The following MTMR10 variants were observed in gnomAD, a reference collection of about 807,000 sequenced individuals.
MTMR10 encodes myotubularin-related protein 10.
Under a neutral mutation model 88.1 loss-of-function variants are expected in MTMR10, and 56 were observed. The observed-to-expected ratio is 0.64, with a 90% CI of 0.51 to 0.79. The LOEUF is 0.79. Ranked by LOEUF, MTMR10 falls within the 30% of genes least tolerant of loss-of-function variation. The probability of loss-of-function intolerance (pLI) is 0.00; values close to 1 mark genes in which losing one functional copy is unlikely to be tolerated. For synonymous variants in MTMR10, 380 were observed against 340.9 expected (o/e 1.11, Z -1.26); for missense variants, 883 against 924.7 (o/e 0.95, Z 0.58).
chr15:30,957,710 A>G (rs1253442510), intron 9 of MTMR10, among the ~76,000 whole-genome samples: 3 of 152,182 alleles, frequency 2.0e-5, no homozygotes, highest in Admixed American at 6.5e-5. Flanking sequence ...TGTCTCAAAA[A>G]AAAAGAAACA....
intron 6 of MTMR10, among the ~76,000 whole-genome samples, 200 bp from the exon 7 acceptor site, chr15:30,961,273 G>A (rs576923810): frequency 3.4e-5 from 5 of 148,532 alleles, no homozygotes; most frequent in Admixed American, 6.7e-5. Flanking sequence ...TCGTTCTGTC[G>A]CCCAGGCTGG....
In MTMR10 at chr15:30,940,044, T is replaced by TATC. The variant is rs1249483497; in HGVS notation, c.*1423_*1425dup. On this transcript the variant is annotated 3_prime_UTR_variant, in exon 16 of 16. Coordinates refer to ENST00000435680, the MANE Select transcript of MTMR10 (RefSeq NM_017762.3). ...AGTACATATAAAGGTAAAATACAGT[T>TATC]ATCTTGAAAACACTTGTTTTAGAAA... is the stretch of plus-strand genomic sequence containing the variant. The TATC allele has an allele frequency of 2.3e-5, 23 of 979,128 alleles. No homozygotes were observed. Among genetic ancestry groups the TATC allele is most frequent in the Non-Finnish European group, 2.8e-5 (23 of 824,352 alleles). The allele number at this position is 979,128 out of a possible 1,614,324, so 60.7% of individuals were successfully genotyped here.
chr15:30,971,685 C>G (rs1360953497), intron 5 of MTMR10, among the ~76,000 whole-genome samples: 1 of 152,122 alleles, frequency 6.6e-6, no homozygotes, highest in Non-Finnish European at 1.5e-5. Context: ...TCTACACAGA[C>G]AGATATATAG....
chr15:30,938,881 G>GCCTT, downstream of MTMR10: 14 of 970,414 alleles, frequency 1.4e-5, no homozygotes, highest in Non-Finnish European at 1.7e-5. Flanking sequence ...AGGAGAAGAT[G>GCCTT]CCTTCACCTC....
At chr15:30,988,558 T>C (rs1217670630) in intron 2 of MTMR10, among the ~76,000 whole-genome samples, 4 of 152,186 alleles carry the variant, frequency 2.6e-5, no homozygotes, top group East Asian at 1.9e-4. Context: ...AGTCAGAAAC[T>C]TGGTTTACAA....
chr15:30,952,025 GCTTAAGGAATGCCCTGAAGA>G lies in MTMR10; in HGVS notation c.1137-7_1149del. Reference sequence around the variant, plus strand: ...AGCATGTATACAAGTTCTGCTGAATGCTTAAGGAATGCCCTGAAGAGAGAAAAGGAAAAGCAGTGTTAAAA... The same window carrying G: ...AGCATGTATACAAGTTCTGCTGAATGGAGAAAAGGAAAAGCAGTGTTAAAA... On this transcript the variant is annotated splice_acceptor_variant and splice_polypyrimidine_tract_variant and coding_sequence_variant and intron_variant, in exon 12 of 16. Coordinates refer to ENST00000435680, the MANE Select transcript of MTMR10 (RefSeq NM_017762.3). LOFTEE classifies it high-confidence loss of function. 1 of 1,613,586 alleles carries G rather than the reference GCTTAAGGAATGCCCTGAAGA, an allele frequency of 6.2e-7. No homozygotes were observed. The highest frequency in any genetic ancestry group is 8.5e-7 in the Non-Finnish European group (1 of 1,179,560).
At chr15:30,950,977 G>C (rs746634464) in intron 12 of MTMR10, among the ~76,000 whole-genome samples, 32 of 152,118 alleles carry the variant, frequency 2.1e-4, no homozygotes, top group Admixed American at 1.0e-3. Context: ...CAAAAAAAAA[G>C]TCTGTTCATG....
Position 30,940,811 on chromosome 15 carries a change from A to G in MTMR10, c.*659T>C. The G allele has an allele frequency of 1.0e-6, 1 of 987,458 alleles. No homozygotes were observed. Among genetic ancestry groups the G allele is most frequent in the Non-Finnish European group, 1.2e-6 (1 of 830,972 alleles). The allele number at this position is 987,458 out of a possible 1,614,324, so 61.2% of individuals were successfully genotyped here. ...TTTTCTTCTGTAATATTTGTATCCT[A>G]AAGTCAAAGGCACTTCTAAGTTTAA... On this transcript the variant is annotated 3_prime_UTR_variant, in exon 16 of 16. Coordinates refer to ENST00000435680, the MANE Select transcript of MTMR10 (RefSeq NM_017762.3).
intron 2 of MTMR10, among the ~76,000 whole-genome samples, chr15:30,987,805 G>T (rs1354002784): frequency 6.6e-6 from 1 of 151,626 alleles, no homozygotes; most frequent in Non-Finnish European, 1.5e-5. Flanking sequence ...TAGGGATGAC[G>T]CCGGGAATTT....
chr15:30,952,779 C>T (rs1271111387), intron 11 of MTMR10, among the ~76,000 whole-genome samples: 1 of 152,094 alleles, frequency 6.6e-6, no homozygotes, highest in African/African-American at 2.4e-5. Context: ...GCTACCACAA[C>T]CGGCCCCACT....
At chr15:30,929,949 AATATATATC>A in the MTMR10 span, among the ~76,000 whole-genome samples, 1 of 120,466 alleles carries the variant, frequency 8.3e-6, no homozygotes, top group African/African-American at 3.4e-5. Context: ...TATATAATAT[AATATATATC>A]ATATAATATA....
chr15:30,952,178 A>G, intron 11 of MTMR10, 140 bp from the exon 12 acceptor site: 1 of 758,910 alleles, frequency 1.3e-6, no homozygotes, highest in South Asian at 1.7e-5. Flanking sequence ...ATGACCCATG[A>G]TAACCCACTG....
chr15:30,930,672 G>C, the MTMR10 span: 1 of 1,612,802 alleles, frequency 6.2e-7, no homozygotes, highest in African/African-American at 1.3e-5. Flanking sequence ...TCACTTTAAG[G>C]TCAGTTGAGG....
chr15:30,927,357 A>G, the MTMR10 span: 3 of 985,410 alleles, frequency 3.0e-6, no homozygotes, highest in African/African-American at 5.2e-5. Flanking sequence ...TTCTAGGAAG[A>G]AAAGTCCTCC....
chr15:30,937,588 A>G (rs2062896675), downstream of MTMR10, among the ~76,000 whole-genome samples: 1 of 150,542 alleles, frequency 6.6e-6, no homozygotes, highest in African/African-American at 2.5e-5. Context: ...AGTAGCTGGG[A>G]CTACAGGTGT....
rs574959783 is a variant in MTMR10, at chr15:30,979,213, C to T, written c.122-2258G>A. Among the ~76,000 whole-genome samples, 3 of 152,234 alleles carry T rather than the reference C, an allele frequency of 2.0e-5. No individual in the cohort carries two copies. In the South Asian group the frequency reaches 6.2e-4, roughly 32 times the overall value. ...CTCTTCAAACCTTGCTACAAAAATTCATCCACTTCTAAGACTTATGATCCA... is the reference window on the plus strand; with the variant it reads ...CTCTTCAAACCTTGCTACAAAAATTTATCCACTTCTAAGACTTATGATCCA... On this transcript the variant is annotated intron_variant, in intron 2 of 15. Coordinates refer to ENST00000435680, the MANE Select transcript of MTMR10 (RefSeq NM_017762.3).
intron 9 of MTMR10, among the ~76,000 whole-genome samples, chr15:30,955,164 C>T (rs2063304950): frequency 6.6e-6 from 1 of 152,130 alleles, no homozygotes; most frequent in Admixed American, 6.5e-5. Context: ...CTTTGTTTCC[C>T]TCTTAGCACC....
At chr15:30,991,054 A>C (rs1341836441) in intron 1 of MTMR10, among the ~76,000 whole-genome samples, 1 of 152,210 alleles carries the variant, frequency 6.6e-6, no homozygotes, top group Non-Finnish European at 1.5e-5. Context: ...TGTCGCTTCC[A>C]GGTGTTCACA....
chr15:30,953,317 G>A (rs72710427), intron 11 of MTMR10, among the ~76,000 whole-genome samples: 4,378 of 152,172 alleles, frequency 0.029, 96 homozygotes, highest in South Asian at 0.11. Context: ...TGATAAAATC[G>A]CACAGCTGTG....
Sources: gnomAD v4.1 joint callset for allele counts (sites outside exome capture counted in the v4.1 genomes callset) on GRCh38, gnomAD v4.1.1 for gene constraint, MANE v1.5 for transcripts, NCBI Gene and HGNC (gene_info 2026-07-23, HGNC 2026-07-21) for gene names.